GABRB2: variants seen among roughly 807,000 people sequenced by gnomAD.
GABRB2 encodes gamma-aminobutyric acid receptor subunit beta-2.
In GABRB2, 16 loss-of-function variants were observed where a neutral mutation model predicts 54.7. The ratio of observed to expected loss-of-function variants is 0.29; its 90% CI spans 0.20 to 0.44. GABRB2 has a LOEUF of 0.44. Among genes scored for constraint, GABRB2 ranks in the 20% least tolerant of loss-of-function variants. The pLI, the probability that GABRB2 is intolerant of heterozygous loss-of-function variation, is 1.00. For missense variants in GABRB2, 355 were observed against 644.0 expected (o/e 0.55, Z 4.86); for synonymous variants, 244 against 233.8 (o/e 1.04, Z -0.40).
intron 9 of GABRB2, among the ~76,000 whole-genome samples, chr5:161,311,817 A>G (rs1438392394): frequency 2.0e-5 from 3 of 152,164 alleles, no homozygotes; most frequent in Non-Finnish European, 4.4e-5. Flanking sequence ...TCCCTAGGTC[A>G]TTTTTATGCA....
At chr5:161,403,846 A>T (rs1329755058) in intron 5 of GABRB2, among the ~76,000 whole-genome samples, 1 of 152,192 alleles carries the variant, frequency 6.6e-6, no homozygotes, top group Non-Finnish European at 1.5e-5. Context: ...GTTCAGATCC[A>T]TGGCAGATTT....
intron 3 of GABRB2, among the ~76,000 whole-genome samples, chr5:161,465,973 G>A (rs906083933): frequency 1.3e-5 from 2 of 151,924 alleles, no homozygotes; most frequent in African/African-American, 4.8e-5. Context: ...CCCTTTTTCT[G>A]TTCAAGGATC....
chr5:161,350,500 G>A (rs1027794621), intron 5 of GABRB2, among the ~76,000 whole-genome samples: 4 of 152,052 alleles, frequency 2.6e-5, no homozygotes, highest in African/African-American at 7.2e-5. Flanking sequence ...CCTGTACACA[G>A]AAAGCTATAA....
intron 5 of GABRB2, among the ~76,000 whole-genome samples, chr5:161,407,777 G>A (rs747534341): frequency 1.1e-4 from 16 of 151,918 alleles, no homozygotes; most frequent in Admixed American, 3.9e-4. Context: ...AAGTAAAAGG[G>A]GGCTTTAGGA....
intron 9 of GABRB2, among the ~76,000 whole-genome samples, chr5:161,297,916 C>T (rs1757429415): frequency 6.6e-6 from 1 of 152,156 alleles, no homozygotes; most frequent in South Asian, 2.1e-4. Flanking sequence ...AAAAGTGTTC[C>T]TATTTCTCCA....
At chr5:161,359,535 A>C (rs1052966626) in intron 5 of GABRB2, among the ~76,000 whole-genome samples, 2 of 152,154 alleles carry the variant, frequency 1.3e-5, no homozygotes, top group African/African-American at 4.8e-5. Context: ...ATGGCAGTAG[A>C]ATAGGTACGC....
intron 4 of GABRB2, among the ~76,000 whole-genome samples, chr5:161,439,132 T>C (rs1757390196): frequency 6.6e-6 from 1 of 152,090 alleles, no homozygotes. Context: ...CAAGGATAAA[T>C]AAACAATCCT....
Position 161,294,129 on chromosome 5 carries a change from C to T in GABRB2, c.1491G>A (p.Val497=), listed in dbSNP as rs200434639. ...AGACGATGTTGAAGAAGGAAAAAACCACTGGGAAGAATATGCGGGACCACC... is the reference window on the plus strand; with the variant it reads ...AGACGATGTTGAAGAAGGAAAAAACTACTGGGAAGAATATGCGGGACCACC... ...IDRWSRIFFP[V]VFSFFNIVYW... Residue 497 remains valine, a synonymous_variant, in exon 10 of 10, where the codon GTG becomes GTA. Transcript: ENST00000393959. The T allele has an allele frequency of 6.2e-7, 1 of 1,613,918 alleles. No homozygotes were observed. Among genetic ancestry groups the T allele is most frequent in the East Asian group, 2.2e-5 (1 of 44,876 alleles).
At chr5:161,467,989 T>G (rs1320266673) in intron 3 of GABRB2, among the ~76,000 whole-genome samples, 1 of 152,136 alleles carries the variant, frequency 6.6e-6, no homozygotes, top group Non-Finnish European at 1.5e-5. Context: ...TTGCATGCTT[T>G]GGAATATTTA....
chr5:161,542,222 A>C (rs1760842324), intron 3 of GABRB2, among the ~76,000 whole-genome samples: 1 of 152,190 alleles, frequency 6.6e-6, no homozygotes, highest in Non-Finnish European at 1.5e-5. Context: ...CAGAAAATAT[A>C]ATAATAATGA....
intron 5 of GABRB2, among the ~76,000 whole-genome samples, chr5:161,408,255 G>A (rs1756403118): frequency 6.6e-6 from 1 of 151,928 alleles, no homozygotes; most frequent in African/African-American, 2.4e-5. Flanking sequence ...TGCTAAGTAT[G>A]GTAATATACT....
intron 4 of GABRB2, among the ~76,000 whole-genome samples, chr5:161,451,284 T>C (rs1231064264): frequency 1.3e-5 from 2 of 152,312 alleles, no homozygotes; most frequent in East Asian, 1.9e-4. Context: ...TAATCAGAAG[T>C]GACAAGTTTC....
intron 4 of GABRB2, among the ~76,000 whole-genome samples, chr5:161,454,386 G>C (rs958272485): frequency 5.3e-5 from 8 of 152,108 alleles, no homozygotes; most frequent in Middle Eastern, 3.2e-3. Flanking sequence ...ACAATCCTTT[G>C]AATTTTCTTT....
chr5:161,433,637 A>G (rs960845174), intron 4 of GABRB2, among the ~76,000 whole-genome samples: 1 of 151,926 alleles, frequency 6.6e-6, no homozygotes, highest in Non-Finnish European at 1.5e-5. Context: ...AATAAAAGAA[A>G]AAGAAATATA....
chr5:161,535,067 T>A (rs1277806312), intron 3 of GABRB2, among the ~76,000 whole-genome samples: 1 of 152,230 alleles, frequency 6.6e-6, no homozygotes, highest in Non-Finnish European at 1.5e-5. Flanking sequence ...CATTAATGGT[T>A]ACCTGACAGA....
At chr5:161,388,727 T>G (rs1166257122) in intron 5 of GABRB2, among the ~76,000 whole-genome samples, 2 of 151,976 alleles carry the variant, frequency 1.3e-5, no homozygotes, top group Non-Finnish European at 2.9e-5. Context: ...TTTAGCTTTT[T>G]ACTACCAATA....
chr5:161,512,636 C>G (rs924496357), intron 3 of GABRB2, among the ~76,000 whole-genome samples: 2 of 152,010 alleles, frequency 1.3e-5, no homozygotes, highest in African/African-American at 4.8e-5. Context: ...TAGGAAATAT[C>G]ATTCTGGACA....
intron 5 of GABRB2, among the ~76,000 whole-genome samples, chr5:161,347,424 C>A (rs1376622949): frequency 6.6e-6 from 1 of 152,196 alleles, no homozygotes; most frequent in Non-Finnish European, 1.5e-5. Flanking sequence ...TAATTATGTA[C>A]ACTCTACTTT....
At chr5:161,374,694 T>C (rs1484468104) in intron 5 of GABRB2, among the ~76,000 whole-genome samples, 2 of 152,232 alleles carry the variant, frequency 1.3e-5, no homozygotes, top group Non-Finnish European at 2.9e-5. Flanking sequence ...CCTACCTTAT[T>C]GGATTGACCT....
Sources: allele counts gnomAD v4.1 joint callset (sites outside exome capture counted in the v4.1 genomes callset), GRCh38; gene constraint gnomAD v4.1.1; transcripts MANE v1.5; gene names NCBI Gene and HGNC (gene_info 2026-07-23, HGNC 2026-07-21).